Variants in GFRA3 observed in about 807,000 individuals in gnomAD.
The protein encoded by GFRA3 is GDNF family receptor alpha 3.
In GFRA3, 24 loss-of-function variants were observed where a neutral mutation model predicts 40.0. That is an observed-to-expected ratio of 0.60 (90% CI 0.43 to 0.84). GFRA3 has a LOEUF of 0.84. Ranked by LOEUF, GFRA3 falls within the 40% of genes least tolerant of loss-of-function variation. GFRA3 has a pLI of 0.00. For synonymous variants in GFRA3, 203 were observed against 213.5 expected, an observed-to-expected ratio of 0.95 and a Z score of 0.43; for missense variants, 405 against 530.6, an observed-to-expected ratio of 0.76 and a Z score of 2.33.
chr5:138,254,067 C>G lies in GFRA3; in HGVS notation c.879G>C (p.Leu293=), dbSNP rs375045686. Residue 293 remains leucine (L), a synonymous_variant, in exon 5 of 8, where the codon CTG becomes CTC. Coordinates refer to ENST00000274721, the MANE Select transcript of GFRA3 (RefSeq NM_001496.4). ...TEQSRCLRAY[L]GLIGTAMTPN... ...TGCCCCCAGCCTCACCAATCAGCCCCAGGTATGCTCGTAGACATCTGGACT... is the reference window on the plus strand; with the variant it reads ...TGCCCCCAGCCTCACCAATCAGCCCGAGGTATGCTCGTAGACATCTGGACT... 3 of 1,608,842 alleles carry G rather than the reference C, an allele frequency of 1.9e-6. No individual in the cohort carries two copies. Among genetic ancestry groups the G allele is most frequent in the Non-Finnish European group, 1.7e-6 (2 of 1,175,310 alleles).
At chr5:138,268,135 A>G (rs986521058) in intron 1 of GFRA3, among the ~76,000 whole-genome samples, 1 of 151,966 alleles carries the variant, frequency 6.6e-6, no homozygotes, top group African/African-American at 2.4e-5. Flanking sequence ...AAATACAAAA[A>G]TTAGCTGGGT....
chr5:138,269,512 G>T (rs1170859479), intron 1 of GFRA3, among the ~76,000 whole-genome samples: 1 of 150,872 alleles, frequency 6.6e-6, no homozygotes, highest in Non-Finnish European at 1.5e-5. Flanking sequence ...CTGAAGCCTG[G>T]GGCACAAGAG....
At chr5:138,263,366 G>A (rs1446296425) in intron 2 of GFRA3, among the ~76,000 whole-genome samples, 3 of 152,150 alleles carry the variant, frequency 2.0e-5, no homozygotes, top group Non-Finnish European at 4.4e-5. Context: ...TTTGACAATG[G>A]TAGATTGTAT....
At chr5:138,273,829 C>T (rs1283325120) in intron 1 of GFRA3, among the ~76,000 whole-genome samples, 2 of 152,182 alleles carry the variant, frequency 1.3e-5, no homozygotes, top group East Asian at 1.9e-4. Context: ...CTGTGCTAGA[C>T]GGCTTGCAAG....
chr5:138,271,896 T>C (rs1044101110), intron 1 of GFRA3, among the ~76,000 whole-genome samples: 8 of 105,968 alleles, frequency 7.5e-5, no homozygotes, highest in East Asian at 2.6e-4. Context: ...TTTTCTGTTT[T>C]TTTTTTTTTT....
chr5:138,273,734 G>T (rs1356130481), intron 1 of GFRA3, among the ~76,000 whole-genome samples: 1 of 152,150 alleles, frequency 6.6e-6, no homozygotes, highest in Non-Finnish European at 1.5e-5. Flanking sequence ...CTTCCTTGGG[G>T]GAGTGGCCTG....
chr5:138,263,042 G>A (rs553554968), intron 2 of GFRA3, among the ~76,000 whole-genome samples: 103 of 152,210 alleles, frequency 6.8e-4, no homozygotes, highest in Non-Finnish European at 1.3e-3. Context: ...TCGACTCACT[G>A]CAACCTCTGC....
At chr5:138,253,451 A>G (rs1755579980) in intron 6 of GFRA3, 76 bp from the exon 7 acceptor site, 2 of 948,796 alleles carry the variant, frequency 2.1e-6, no homozygotes, top group Non-Finnish European at 3.4e-6. Flanking sequence ...AAGGAAAGGG[A>G]ATGCCACAGG....
intron 2 of GFRA3, among the ~76,000 whole-genome samples, chr5:138,262,341 G>A (rs1410523593): frequency 2.6e-5 from 4 of 152,078 alleles, no homozygotes; most frequent in Admixed American, 6.5e-5. Context: ...GTAAAAACAG[G>A]GCCTTATTAA....
chr5:138,268,975 G>A (rs1281929601), intron 1 of GFRA3, among the ~76,000 whole-genome samples: 1 of 150,774 alleles, frequency 6.6e-6, no homozygotes, highest in Non-Finnish European at 1.5e-5. Context: ...ATCAAAAAGT[G>A]GGCTAAGGAC....
Position 138,264,347 on chromosome 5 carries a change from A to T in GFRA3, c.293T>A (p.Leu98Gln). ...GCGCCGGTGGCACATGCAGCCTATC[A>T]GAGAGCTGTTCCTGAGTTGCTGTGC... ...EAAQQLRNSS[L>Q]IGCMCHRRMK... Residue 98 changes from leucine to glutamine, a missense_variant, in exon 2 of 8, where the codon CTG becomes CAG. Coordinates refer to ENST00000274721, the MANE Select transcript of GFRA3 (RefSeq NM_001496.4). 1 of 1,613,974 alleles carries T rather than the reference A, an allele frequency of 6.2e-7. No homozygotes were observed. Among genetic ancestry groups the T allele is most frequent in the Non-Finnish European group, 8.5e-7 (1 of 1,179,854 alleles).
At chr5:138,259,671 C>T (rs1295288878) in intron 2 of GFRA3, 22 bp from the exon 3 acceptor site, 3 of 1,034,004 alleles carry the variant, frequency 2.9e-6, no homozygotes, top group East Asian at 2.4e-5. Context: ...GTGGGGAGCA[C>T]CAGAATGCTG....
intron 2 of GFRA3, among the ~76,000 whole-genome samples, chr5:138,263,220 G>A (rs1248426705): frequency 6.6e-6 from 1 of 152,126 alleles, no homozygotes; most frequent in Non-Finnish European, 1.5e-5. Context: ...GCCTGCCTTG[G>A]CCTCCCAAAG....
Position 138,252,941 on chromosome 5 carries a change from G to A in GFRA3, c.*27C>T. 1.6e-6 allele frequency: 2 copies of A among 1,286,124 alleles called. No homozygotes were observed. Among genetic ancestry groups the A allele is most frequent in the Non-Finnish European group, 2.3e-6 (2 of 882,252 alleles). 79.7% of individuals were successfully genotyped at this position (1,286,124 alleles called of 1,614,324 possible). A position where few individuals can be genotyped will look rare whatever the true frequency, so the allele number is the denominator to read the frequency against. Reference sequence around the variant, plus strand: ...TGCAAGTCCACCTGGGTGTGGTGGAGGGGAAGAGGGCCCTGGGGAAGTCCA... The same window carrying A: ...TGCAAGTCCACCTGGGTGTGGTGGAAGGGAAGAGGGCCCTGGGGAAGTCCA... On this transcript the variant is annotated 3_prime_UTR_variant, in exon 8 of 8. Transcript: ENST00000274721.
chr5:138,254,222 C>G (rs1298776419), intron 4 of GFRA3, 62 bp from the exon 5 acceptor site: 2 of 958,200 alleles, frequency 2.1e-6, no homozygotes, highest in African/African-American at 3.3e-5. Context: ...GTCTCACTCT[C>G]TCTTGCCCAG....
At chr5:138,264,578 G>A (rs201281838) in intron 1 of GFRA3, 30 bp from the exon 2 acceptor site, 24 of 1,490,588 alleles carry the variant, frequency 1.6e-5, no homozygotes, top group East Asian at 1.6e-4. Flanking sequence ...GTGAGGCTAC[G>A]TAAGATTAGA....
chr5:138,256,633 G>C (rs1214119701), intron 4 of GFRA3, among the ~76,000 whole-genome samples: 2 of 151,876 alleles, frequency 1.3e-5, no homozygotes, highest in African/African-American at 2.4e-5. Flanking sequence ...TCCATACATG[G>C]AATATAATGC....
intron 2 of GFRA3, among the ~76,000 whole-genome samples, chr5:138,262,540 C>A (rs530462913): frequency 7.2e-5 from 11 of 152,232 alleles, no homozygotes; most frequent in Admixed American, 7.2e-4. Flanking sequence ...GCAGCCTCAA[C>A]CTCCTGGACT....
chr5:138,262,173 G>C (rs1337409043), intron 2 of GFRA3, among the ~76,000 whole-genome samples: 1 of 152,194 alleles, frequency 6.6e-6, no homozygotes, highest in Non-Finnish European at 1.5e-5. Context: ...TCTCAGGCAG[G>C]AAGCAGGCTG....
Sources: gnomAD v4.1 joint callset for allele counts (sites outside exome capture counted in the v4.1 genomes callset) on GRCh38, gnomAD v4.1.1 for gene constraint, MANE v1.5 for transcripts, NCBI Gene and HGNC (gene_info 2026-07-23, HGNC 2026-07-21) for gene names.